Variants in BICRAL observed in about 807,000 individuals in gnomAD.
The protein encoded by BICRAL is BRD4-interacting chromatin-remodeling complex-associated protein-like.
Under a neutral mutation model 91.8 loss-of-function variants are expected in BICRAL, and 8 were observed. The ratio of observed to expected loss-of-function variants is 0.09; its 90% CI spans 0.05 to 0.16. The LOEUF (loss-of-function observed/expected upper bound fraction) is 0.16, where lower values mean the gene tolerates loss of function less well. Among genes scored for constraint, BICRAL ranks in the 10% least tolerant of loss-of-function variants. The pLI is 1.00. For missense variants in BICRAL, 1,038 were observed against 1,310.9 expected, an observed-to-expected ratio of 0.79 and a Z score of 3.21; for synonymous variants, 445 against 491.1, an observed-to-expected ratio of 0.91 and a Z score of 1.24.
intron 6 of BICRAL, among the ~76,000 whole-genome samples, chr6:42,838,637 A>G (rs1764705058): frequency 6.6e-6 from 1 of 152,188 alleles, no homozygotes. Context: ...TATCCTATCT[A>G]TATTTATTGC....
intron 1 of BICRAL, among the ~76,000 whole-genome samples, chr6:42,766,836 C>G (rs370148130): frequency 9.9e-5 from 15 of 152,160 alleles, no homozygotes; most frequent in Non-Finnish European, 1.8e-4. Context: ...GTCAGGAGAT[C>G]GAGACCATCC....
intron 1 of BICRAL, among the ~76,000 whole-genome samples, chr6:42,795,962 C>T (rs1763404328): frequency 6.6e-6 from 1 of 152,194 alleles, no homozygotes; most frequent in Non-Finnish European, 1.5e-5. Context: ...CATAAAACTA[C>T]ACAACAGTGT....
chr6:42,849,613 G>A (rs1041880954), intron 6 of BICRAL, among the ~76,000 whole-genome samples: 10 of 151,372 alleles, frequency 6.6e-5, no homozygotes, highest in African/African-American at 2.4e-4. Flanking sequence ...CTAATTTTTT[G>A]TATTTTTAGT....
intron 5 of BICRAL, among the ~76,000 whole-genome samples, chr6:42,828,142 G>A (rs979538388): frequency 6.6e-6 from 1 of 152,068 alleles, no homozygotes; most frequent in African/African-American, 2.4e-5. Flanking sequence ...GGCCAGGCGC[G>A]GTGGCTCACT....
rs145887436 is a variant in BICRAL at position 42,795,760 on chromosome 6, T to G, written c.-102+13659T>G. Among the ~76,000 whole-genome samples, 5 of 152,348 alleles carry G rather than the reference T, an allele frequency of 3.3e-5. No homozygotes were observed. In the East Asian group the frequency reaches 9.6e-4, roughly 29 times the overall value. ...GTTCTAATATTTTTCTTACATCATA[T>G]TGCTTTCTAGAATGTTTCTTTTCTA... On this transcript the variant is annotated intron_variant, in intron 1 of 12. Coordinates refer to ENST00000314073, the MANE Select transcript of BICRAL (RefSeq NM_001393499.1).
chr6:42,807,737 C>T (rs902312657), intron 1 of BICRAL, among the ~76,000 whole-genome samples: 12 of 145,552 alleles, frequency 8.2e-5, no homozygotes, highest in African/African-American at 3.1e-4. Context: ...ACCTGGGAGG[C>T]GGAGGTTGCA....
At chr6:42,774,738 T>C (rs1166557179) in intron 1 of BICRAL, among the ~76,000 whole-genome samples, 2 of 152,162 alleles carry the variant, frequency 1.3e-5, no homozygotes, top group Non-Finnish European at 2.9e-5. Context: ...TCTAAGGGTA[T>C]TTAATCAGGC....
At chr6:42,846,710 G>A (rs1765021176) in intron 6 of BICRAL, among the ~76,000 whole-genome samples, 1 of 152,126 alleles carries the variant, frequency 6.6e-6, no homozygotes, top group African/African-American at 2.4e-5. Context: ...TGCCCCTCAG[G>A]GCCAAAGTAT....
chr6:42,814,215 C>T (rs1280986015), intron 2 of BICRAL, among the ~76,000 whole-genome samples: 1 of 135,944 alleles, frequency 7.4e-6, no homozygotes, highest in Non-Finnish European at 1.6e-5. Flanking sequence ...GGTAAGGTAT[C>T]TCGTATTGGC....
rs1335681013 is a variant in BICRAL, at chr6:42,868,494, A to C, written c.*3048A>C. 1 of 152,638 alleles carries C rather than the reference A, an allele frequency of 6.6e-6. No homozygotes were observed. Among genetic ancestry groups the C allele is most frequent in the African/African-American group, 2.4e-5 (1 of 41,446 alleles). 9.5% of individuals were successfully genotyped at this position (152,638 alleles called of 1,614,324 possible). Reference sequence around the variant, plus strand: ...CTATATTGTTAATCCATGGTTAGGAAATGTTTAGTTGGAGATTACAAATTG... The same window carrying C: ...CTATATTGTTAATCCATGGTTAGGACATGTTTAGTTGGAGATTACAAATTG... On this transcript the variant is annotated 3_prime_UTR_variant, in exon 13 of 13. Transcript: ENST00000314073.
intron 1 of BICRAL, among the ~76,000 whole-genome samples, chr6:42,786,231 C>T (rs1262497485): frequency 6.6e-6 from 1 of 152,164 alleles, no homozygotes; most frequent in African/African-American, 2.4e-5. Flanking sequence ...TAGTTTAAAA[C>T]TTAGATTTTT....
intron 1 of BICRAL, among the ~76,000 whole-genome samples, chr6:42,795,796 C>T (rs1763400755): frequency 6.6e-6 from 1 of 152,096 alleles, no homozygotes; most frequent in Admixed American, 6.6e-5. Flanking sequence ...AGCGGAATGT[C>T]TTGTTTTGAA....
upstream of BICRAL, among the ~76,000 whole-genome samples, chr6:42,781,592 GGTGGGT>G (rs1487185751): frequency 6.0e-5 from 7 of 116,708 alleles, no homozygotes; most frequent in African/African-American, 2.1e-4. Flanking sequence ...TGGGTGGGTG[GGTGGGT>G]GTGTGTGTGT....
upstream of BICRAL, among the ~76,000 whole-genome samples, chr6:42,746,591 G>A (rs1434543127): frequency 1.3e-5 from 2 of 152,124 alleles, no homozygotes; most frequent in Non-Finnish European, 2.9e-5. Context: ...GGCCCGCGCC[G>A]GAGGAAGCAG....
At chr6:42,778,702 C>A (rs905161321), upstream of BICRAL, among the ~76,000 whole-genome samples, 9 of 152,142 alleles carry the variant, frequency 5.9e-5, no homozygotes, top group African/African-American at 2.2e-4. Context: ...ATTGGAGGGC[C>A]CAGCACTGTG....
intron 6 of BICRAL, among the ~76,000 whole-genome samples, chr6:42,848,215 G>A (rs1409462963): frequency 6.6e-6 from 1 of 151,540 alleles, no homozygotes; most frequent in East Asian, 1.9e-4. Context: ...TCACACCACT[G>A]CACTCCAGCC....
At chr6:42,808,499 T>C (rs1763773867) in intron 1 of BICRAL, among the ~76,000 whole-genome samples, 1 of 152,212 alleles carries the variant, frequency 6.6e-6, no homozygotes, top group Admixed American at 6.6e-5. Context: ...ATCATGGATG[T>C]CTTGATTTTC....
At chr6:42,773,953 G>C (rs937475179) in intron 1 of BICRAL, among the ~76,000 whole-genome samples, 2 of 152,204 alleles carry the variant, frequency 1.3e-5, no homozygotes, top group Admixed American at 1.3e-4. Flanking sequence ...TTTTGTAAAT[G>C]ATTGTTTTGG....
intron 6 of BICRAL, among the ~76,000 whole-genome samples, chr6:42,850,477 G>A (rs1400995125): frequency 4.6e-5 from 7 of 151,250 alleles, no homozygotes; most frequent in African/African-American, 1.5e-4. Context: ...CTAAGATCAC[G>A]CCACTGCAGG....
Sources: allele counts gnomAD v4.1 joint callset (sites outside exome capture counted in the v4.1 genomes callset), GRCh38; gene constraint gnomAD v4.1.1; transcripts MANE v1.5; gene names NCBI Gene and HGNC (gene_info 2026-07-23, HGNC 2026-07-21).